Variants in PIK3C2B observed in about 807,000 individuals in gnomAD.
PIK3C2B encodes phosphatidylinositol-4-phosphate 3-kinase catalytic subunit type 2 beta.
PIK3C2B carries 83 observed loss-of-function variants against 184.3 expected under a neutral mutation model. The ratio of observed to expected loss-of-function variants is 0.45; its 90% confidence interval spans 0.38 to 0.54. PIK3C2B has a LOEUF of 0.54. PIK3C2B is among the 20% of genes least tolerant of loss of function. The probability of loss-of-function intolerance (pLI) is 0.00; values close to 1 mark genes in which losing one functional copy is unlikely to be tolerated. For synonymous variants in PIK3C2B, 779 were observed against 837.6 expected (o/e 0.93, Z 1.21); for missense variants, 1,736 against 2,113.5 (o/e 0.82, Z 3.50).
chr1:204,447,332 A>G lies in PIK3C2B; in HGVS notation c.2489+104T>C. On this transcript the variant is annotated intron_variant, in intron 15 of 32. Coordinates refer to ENST00000684373, the MANE Select transcript of PIK3C2B (RefSeq NM_001377334.1). The surrounding 1 kb of genome is among the most constrained non-coding windows in gnomAD (Gnocchi z 4.1). ...TGCCTCCACTTCCTGCTGAGATGGC[A>G]ATGCCCACCCCTTCCCACCTCCACT... is the stretch of plus-strand genomic sequence containing the variant. The G allele has an allele frequency of 8.8e-7, 1 of 1,135,102 alleles. No homozygotes were observed. Among genetic ancestry groups the G allele is most frequent in the Non-Finnish European group, 1.3e-6 (1 of 785,146 alleles). 70.3% of individuals were successfully genotyped at this position (1,135,102 alleles called of 1,614,324 possible). A position where few individuals can be genotyped will look rare whatever the true frequency, so the allele number is the denominator to read the frequency against.
chr1:204,455,747 G>T, intron 11 of PIK3C2B, 109 bp downstream of exon 11: 1 of 871,466 alleles, frequency 1.1e-6, no homozygotes, highest in Non-Finnish European at 1.7e-6. Flanking sequence ...GTCACACAAT[G>T]CCACACATCC....
At chr1:204,473,329 A>G (rs1317050553) in intron 1 of PIK3C2B, among the ~76,000 whole-genome samples, 1 of 152,238 alleles carries the variant, frequency 6.6e-6, no homozygotes, top group Admixed American at 6.5e-5. Flanking sequence ...CCAGCCTCAG[A>G]GTATCTAAAG....
intron 21 of PIK3C2B, among the ~76,000 whole-genome samples, chr1:204,440,998 A>G (rs935829984): frequency 2.1e-4 from 32 of 152,320 alleles, no homozygotes; most frequent in Non-Finnish European, 4.3e-4. Flanking sequence ...AGTCACATGC[A>G]TGTATTTTGT....
rs1572313371 is a variant in PIK3C2B at position 204,443,307 on chromosome 1, C to T, written c.3048+110G>A. ...TTTCCAGAGTCAGCTGCTCCCCGCT[C>T]CAAAATCAAAAATCGTCACGTGGAA... is the stretch of plus-strand genomic sequence containing the variant. On this transcript the variant is annotated intron_variant, in intron 19 of 32. Coordinates refer to ENST00000684373, the MANE Select transcript of PIK3C2B (RefSeq NM_001377334.1). 15 of 1,112,944 alleles carry T rather than the reference C, an allele frequency of 1.3e-5. No individual in the cohort carries two copies. In the South Asian group the frequency reaches 2.3e-4, roughly 17 times the overall value. The allele number at this position is 1,112,944 out of a possible 1,614,324, so 68.9% of individuals were successfully genotyped here. A position where few individuals can be genotyped will look rare whatever the true frequency, so the allele number is the denominator to read the frequency against.
In PIK3C2B at chr1:204,441,537, A is replaced by G. The variant is rs753726044; in HGVS notation, c.3183T>C (p.Ala1061=). Residue 1061 remains alanine, a synonymous_variant, in exon 21 of 33, where the codon GCT becomes GCC. Coordinates refer to ENST00000684373, the MANE Select transcript of PIK3C2B (RefSeq NM_001377334.1). ...PRDCSYFNSN[A]VPLKLSFQNV... ...TTTGGAAGGAGAGTTTGAGGGGGAC[A>G]GCATTGGAGTTGAAGTAGGAACAGT... The G allele has an allele frequency of 6.2e-7, 1 of 1,613,138 alleles. No homozygotes were observed. Among genetic ancestry groups the G allele is most frequent in the Non-Finnish European group, 8.5e-7 (1 of 1,179,070 alleles).
chr1:204,489,887 C>T, intron 1 of PIK3C2B: 1 of 397,056 alleles, frequency 2.5e-6, no homozygotes, highest in Non-Finnish European at 4.4e-6. Context: ...CTCTACTCTT[C>T]TTCCCTCATC....
At chr1:204,479,520 C>T (rs755253678) in intron 1 of PIK3C2B, among the ~76,000 whole-genome samples, 1 of 152,056 alleles carries the variant, frequency 6.6e-6, no homozygotes, top group Non-Finnish European at 1.5e-5. Flanking sequence ...AAAAGCAACA[C>T]CTAGGAAACC....
chr1:204,424,140 CT>C lies in PIK3C2B; in HGVS notation c.*711del, dbSNP rs1467668125. On this transcript the variant is annotated 3_prime_UTR_variant, in exon 33 of 33. Transcript: ENST00000684373. ...AGAACCCCAATACGGAAGGCCCTTC[CT>C]TACACATGTAGGTATCACAGCGCTC... 1 of 154,108 alleles carries C rather than the reference CT, an allele frequency of 6.5e-6. No individual in the cohort carries two copies. The highest frequency in any genetic ancestry group is 1.4e-5 in the Non-Finnish European group (1 of 69,126). 9.5% of individuals were successfully genotyped at this position (154,108 alleles called of 1,614,324 possible).
intron 2 of PIK3C2B, among the ~76,000 whole-genome samples, chr1:204,465,756 G>A (rs753292888): frequency 5.4e-4 from 82 of 152,232 alleles, no homozygotes; most frequent in Non-Finnish European, 9.8e-4. Context: ...GGTGCCCAGG[G>A]AAGCTTGGCC....
intron 1 of PIK3C2B, among the ~76,000 whole-genome samples, chr1:204,488,811 C>T (rs1657809775): frequency 6.6e-6 from 1 of 152,164 alleles, no homozygotes; most frequent in African/African-American, 2.4e-5. Context: ...CACAAGGCAA[C>T]CCATATTTCC....
At chr1:204,432,429 T>C (rs758321197) in intron 26 of PIK3C2B, 28 bp from the exon 27 acceptor site, 3 of 1,602,188 alleles carry the variant, frequency 1.9e-6, no homozygotes, top group African/African-American at 1.3e-5. Flanking sequence ...AAAGAGGATA[T>C]AACCATGAAC....
chr1:204,428,226 A>G lies in PIK3C2B; in HGVS notation c.4399-6T>C. The G allele has an allele frequency of 3.1e-6, 5 of 1,596,110 alleles. No individual in the cohort carries two copies. Among genetic ancestry groups the G allele is most frequent in the South Asian group, 1.1e-5 (1 of 90,448 alleles). ...AAGGTGTACACCAAATCACACTGGA[A>G]CAGAATCAGAAACAGGGCCATTCTT... On this transcript the variant is annotated splice_region_variant and splice_polypyrimidine_tract_variant and intron_variant, in intron 29 of 32. Transcript: ENST00000684373.
chr1:204,484,365 T>C (rs1381829720), intron 1 of PIK3C2B, among the ~76,000 whole-genome samples: 3 of 152,168 alleles, frequency 2.0e-5, no homozygotes, highest in Admixed American at 6.5e-5. Context: ...AGAGTTAAAC[T>C]GAAATGTGTG....
At chr1:204,434,642 C>T in intron 23 of PIK3C2B, 34 bp from the exon 24 acceptor site, 1 of 1,580,508 alleles carries the variant, frequency 6.3e-7, no homozygotes, top group Non-Finnish European at 8.6e-7. Context: ...GAGGAGAGGA[C>T]ATAAAGCTGG....
Position 204,433,482 on chromosome 1 carries a change from G to T in PIK3C2B, c.3844-57C>A. On this transcript the variant is annotated intron_variant, in intron 25 of 32. Coordinates refer to ENST00000684373, the MANE Select transcript of PIK3C2B (RefSeq NM_001377334.1). The surrounding 1 kb of genome is among the most constrained non-coding windows in gnomAD (Gnocchi z 5.0). The stretch of plus-strand genomic sequence containing the variant: ...CCTGTAACAACAGAGAATTCTTGCT[G>T]CTTCTCTACCCTTAGGCAAGGTTTT... 1.8e-6 allele frequency: 2 copies of T among 1,128,554 alleles called. No homozygotes were observed. Among genetic ancestry groups the T allele is most frequent in the Non-Finnish European group, 2.7e-6 (2 of 742,506 alleles). 69.9% of individuals were successfully genotyped at this position (1,128,554 alleles called of 1,614,324 possible). A position where few individuals can be genotyped will look rare whatever the true frequency, so the allele number is the denominator to read the frequency against.
chr1:204,453,612 A>C (rs1487176644), intron 12 of PIK3C2B, among the ~76,000 whole-genome samples: 1 of 151,980 alleles, frequency 6.6e-6, no homozygotes, highest in Non-Finnish European at 1.5e-5. Context: ...TCTCTAGACA[A>C]CCCTCCCTTC....
chr1:204,491,171 T>A (rs553080002), intron 1 of PIK3C2B, among the ~76,000 whole-genome samples: 309 of 152,198 alleles, frequency 2.0e-3, no homozygotes, highest in Non-Finnish European at 3.7e-3. Context: ...GTGGATCACC[T>A]GAGGTCAGGA....
At chr1:204,443,944 C>A in intron 18 of PIK3C2B, 124 bp downstream of exon 18, 1 of 721,968 alleles carries the variant, frequency 1.4e-6, no homozygotes, top group Non-Finnish European at 2.5e-6. Context: ...TCCAAGGCCA[C>A]AGGGTAAGTC....
At chr1:204,429,770 T>A (rs532729528) in intron 29 of PIK3C2B, 151 bp downstream of exon 29, 2 of 630,264 alleles carry the variant, frequency 3.2e-6, no homozygotes. Flanking sequence ...CCTCCTGTCT[T>A]CTGCAGACTG....
Sources: allele counts gnomAD v4.1 joint callset (sites outside exome capture counted in the v4.1 genomes callset), GRCh38; gene constraint gnomAD v4.1.1; non-coding constraint Gnocchi (gnomAD v3.1); transcripts MANE v1.5; gene names NCBI Gene and HGNC (gene_info 2026-07-23, HGNC 2026-07-21).